Variants in ZNF718 observed in about 807,000 individuals in gnomAD.
ZNF718 encodes the protein zinc finger protein 718.
In ZNF718, 3 loss-of-function variants were observed where a neutral mutation model predicts 2.6. The observed-to-expected ratio is 1.16, with a 90% CI of 0.53 to 3.01. The LOEUF (loss-of-function observed/expected upper bound fraction) is 3.01. ZNF718 is among the 30% of genes most tolerant of loss of function. The pLI, the probability that ZNF718 is intolerant of heterozygous loss-of-function variation, is 0.03. For synonymous variants in ZNF718, 135 were observed against 77.9 expected, an observed-to-expected ratio of 1.73 and a Z score of -3.86; for missense variants, 468 against 230.0, an observed-to-expected ratio of 2.03 and a Z score of -6.69.
Position 161,135 on chromosome 4 carries a change from A to G in ZNF718, c.450A>G (p.Lys150=), listed in dbSNP as rs1410289236. The G allele has an allele frequency of 4.0e-6, 3 of 756,842 alleles. No individual in the cohort carries two copies. Among genetic ancestry groups the G allele is most frequent in the Non-Finnish European group, 4.9e-6 (2 of 405,670 alleles). 46.9% of individuals were successfully genotyped at this position (756,842 alleles called of 1,614,324 possible). A position where few individuals can be genotyped will look rare whatever the true frequency, so the allele number is the denominator to read the frequency against. The part of the protein sequence containing the change: ...KKTIQSNICV[K]VFHKFSNSNK... ...CAATTCAATCTAATATATGTGTCAA[A>G]GTTTTTCATAAATTTTCAAATTCAA... is the stretch of plus-strand genomic sequence containing the variant. The change falls in exon 4 of 4, where the codon AAA becomes AAG. Residue 150 remains lysine (K), a synonymous_variant. Coordinates refer to ENST00000510175, the MANE Select transcript of ZNF718 (RefSeq NM_001039127.6).
chr4:136,148 C>T (rs1254480713), intron 3 of ZNF718, among the ~76,000 whole-genome samples: 1 of 152,070 alleles, frequency 6.6e-6, no homozygotes, highest in Non-Finnish European at 1.5e-5. Flanking sequence ...GTATGGCAGG[C>T]AGTAAGGCAG....
At chr4:181,523 G>A (rs1553819813) in intron 3 of ZNF718, among the ~76,000 whole-genome samples, 1 of 152,038 alleles carries the variant, frequency 6.6e-6, no homozygotes, top group Non-Finnish European at 1.5e-5. Flanking sequence ...TGATTTCTCA[G>A]TATCATTTGT....
In ZNF718 at chr4:163,818, G is replaced by GA. The variant is rs1717014038; in HGVS notation, c.*1698dup. 1 of 151,826 alleles carries GA rather than the reference G, an allele frequency of 6.6e-6. No individual in the cohort carries two copies. Among genetic ancestry groups the GA allele is most frequent in the African/African-American group, 2.4e-5 (1 of 41,362 alleles). 9.4% of individuals were successfully genotyped at this position (151,826 alleles called of 1,614,324 possible). On this transcript the variant is annotated 3_prime_UTR_variant, in exon 4 of 4. Coordinates refer to ENST00000510175, the MANE Select transcript of ZNF718 (RefSeq NM_001039127.6). The stretch of plus-strand genomic sequence containing the variant: ...AGTGGCTTTAAACAGCAAATAAGTT[G>GA]AAGAATATTGTTCTCATGTTAAATT...
At chr4:167,738 AG>A (rs1553817173), downstream of ZNF718, among the ~76,000 whole-genome samples, 1 of 152,172 alleles carries the variant, frequency 6.6e-6, no homozygotes, top group African/African-American at 2.4e-5. Flanking sequence ...TATCAGCTTA[AG>A]GAGATTTTGG....
chr4:176,053 T>C (rs1717339982), intron 3 of ZNF718, among the ~76,000 whole-genome samples: 1 of 152,040 alleles, frequency 6.6e-6, no homozygotes, highest in Admixed American at 6.6e-5. Flanking sequence ...GCCTTGGAAC[T>C]ATGCAGCCTA....
At position 132,078 on chromosome 4, in the gene ZNF718, G is replaced by A. The variant is rs1226803294; in HGVS notation, c.226+573G>A. On this transcript the variant is annotated intron_variant, in intron 3 of 3. Transcript: ENST00000510175. ...AAAAAACCCAGGAGGCAGAGGTTGC[G>A]GTCGGCTGAGATCGTGCCACTGCAC... is the stretch of plus-strand genomic sequence containing the variant. Among the ~76,000 whole-genome samples the A allele has an allele frequency of 1.2e-4, 11 of 89,394 alleles. 3 individuals are homozygous for A. The highest frequency in any genetic ancestry group is 5.1e-3 in the Middle Eastern group (1 of 196). 58.6% of individuals were successfully genotyped at this position (89,394 alleles called of 152,430 possible). A position where few individuals can be genotyped will look rare whatever the true frequency, so the allele number is the denominator to read the frequency against.
intron 3 of ZNF718, among the ~76,000 whole-genome samples, chr4:188,469 T>C (rs1360136419): frequency 1.3e-5 from 2 of 152,142 alleles, no homozygotes; most frequent in Non-Finnish European, 2.9e-5. Context: ...GTGGGTCTTA[T>C]CATATGAGGT....
downstream of ZNF718, among the ~76,000 whole-genome samples, chr4:167,179 T>C (rs892781611): frequency 2.6e-5 from 4 of 152,080 alleles, no homozygotes; most frequent in African/African-American, 9.7e-5. Flanking sequence ...GGCATTATTT[T>C]TGAGGGCTCT....
chr4:186,784 T>C (rs1467226223), intron 3 of ZNF718, among the ~76,000 whole-genome samples: 4 of 152,218 alleles, frequency 2.6e-5, no homozygotes, highest in Non-Finnish European at 5.9e-5. Context: ...CTATGTATAC[T>C]GGCTATTTTG....
chr4:188,014 C>T (rs1001149885), intron 3 of ZNF718, among the ~76,000 whole-genome samples: 23 of 152,176 alleles, frequency 1.5e-4, no homozygotes, highest in African/African-American at 4.6e-4. Flanking sequence ...TTTAAAGAAA[C>T]AGTTATGCCA....
At chr4:156,788 T>G (rs1553813753) in intron 3 of ZNF718, among the ~76,000 whole-genome samples, 1 of 152,178 alleles carries the variant, frequency 6.6e-6, no homozygotes, top group East Asian at 1.9e-4. Flanking sequence ...ATTAGATTAT[T>G]TTTTGCTTCT....
rs1178102238 is a variant in ZNF718 at position 153,249 on chromosome 4, C to T, written c.227-7663C>T. 2.6e-5 allele frequency among the ~76,000 whole-genome samples: 4 copies of T among 152,052 alleles called. No individual in the cohort carries two copies. The East Asian group carries it at 7.7e-4, about 29-fold the overall frequency. On this transcript the variant is annotated intron_variant, in intron 3 of 3. Coordinates refer to ENST00000510175, the MANE Select transcript of ZNF718 (RefSeq NM_001039127.6). ...TGGCTCTAGGTTCATGGATTTATTACTGGGCTCACTGGATACTGTCATCTG... is the reference window on the plus strand; with the variant it reads ...TGGCTCTAGGTTCATGGATTTATTATTGGGCTCACTGGATACTGTCATCTG...
In ZNF718 at chr4:131,841, C is replaced by T. The variant is rs1220789732; in HGVS notation, c.226+336C>T. On this transcript the variant is annotated intron_variant, in intron 3 of 3. Transcript: ENST00000510175. Reference sequence around the variant, plus strand: ...CGGGTGGATCATGAGGTCAGGAGATCGAGACCATCCTATCTAACATGGTGA... The same window carrying T: ...CGGGTGGATCATGAGGTCAGGAGATTGAGACCATCCTATCTAACATGGTGA... Among the ~76,000 whole-genome samples, 238 of 96,048 alleles carry T rather than the reference C, an allele frequency of 2.5e-3. 75 individuals are homozygous for T. Among genetic ancestry groups the T allele is most frequent in the Admixed American group, 0.023 (207 of 8,896 alleles). 63.0% of individuals were successfully genotyped at this position (96,048 alleles called of 152,430 possible).
At chr4:169,764 TG>T (rs1198424834) in intron 3 of ZNF718, among the ~76,000 whole-genome samples, 1 of 152,198 alleles carries the variant, frequency 6.6e-6, no homozygotes, top group African/African-American at 2.4e-5. Flanking sequence ...ATGGGTTTCC[TG>T]AATGCAGCAC....
At chr4:165,822 C>T (rs879950578), downstream of ZNF718, among the ~76,000 whole-genome samples, 9 of 151,664 alleles carry the variant, frequency 5.9e-5, no homozygotes, top group Admixed American at 2.6e-4. Flanking sequence ...TTCTTGGAGA[C>T]AGTGATAGGT....
downstream of ZNF718, among the ~76,000 whole-genome samples, chr4:164,252 C>T (rs1243032413): frequency 1.3e-5 from 2 of 151,904 alleles, no homozygotes; most frequent in African/African-American, 2.4e-5. Flanking sequence ...AAACATATTG[C>T]TGTAAGATAA....
In ZNF718 at chr4:133,268, A is replaced by AT. The variant is rs1488442083; in HGVS notation, c.226+1763_226+1764insT. 2.0e-5 allele frequency among the ~76,000 whole-genome samples: 3 copies of AT among 149,144 alleles called. 1 individual carries two copies. Among genetic ancestry groups the AT allele is most frequent in the Non-Finnish European group, 4.4e-5 (3 of 67,482 alleles). On this transcript the variant is annotated intron_variant, in intron 3 of 3. Transcript: ENST00000510175. Reference sequence around the variant, plus strand: ...ATAGCTGATGAGTTTAAAAAAAAAAAGGTTTGTGAATAATTTTTGTGATAT... The same window carrying AT: ...ATAGCTGATGAGTTTAAAAAAAAAAATGGTTTGTGAATAATTTTTGTGATAT...
intron 3 of ZNF718, among the ~76,000 whole-genome samples, chr4:133,977 C>A (rs1053202776): frequency 2.0e-5 from 3 of 152,136 alleles, no homozygotes; most frequent in Admixed American, 2.0e-4. Context: ...TACAGTATTA[C>A]TAACTATAAA....
chr4:164,428 ATTC>A (rs1351345165), downstream of ZNF718, among the ~76,000 whole-genome samples: 3 of 152,068 alleles, frequency 2.0e-5, no homozygotes, highest in Non-Finnish European at 4.4e-5. Flanking sequence ...TCTACACTAT[ATTC>A]TTTGTATTTA....
Sources: allele counts gnomAD v4.1 joint callset (sites outside exome capture counted in the v4.1 genomes callset), GRCh38; gene constraint gnomAD v4.1.1; transcripts MANE v1.5; gene names NCBI Gene and HGNC (gene_info 2026-07-23, HGNC 2026-07-21).